NLGN1: variants seen among roughly 807,000 people sequenced by gnomAD.
The protein encoded by NLGN1 is neuroligin 1, also known as neuroligin-1.
NLGN1 carries 12 observed loss-of-function variants against 65.5 expected under a neutral mutation model. The observed-to-expected ratio is 0.18, with a 90% CI of 0.12 to 0.30. The LOEUF is 0.30. NLGN1 is among the 10% of genes least tolerant of loss of function. NLGN1 has a pLI of 1.00. For missense variants in NLGN1, 750 were observed against 1,007.1 expected, an observed-to-expected ratio of 0.74 and a Z score of 3.46; for synonymous variants, 350 against 359.5, an observed-to-expected ratio of 0.97 and a Z score of 0.30.
chr3:173,777,638 T>TATC (rs1163513303), intron 3 of NLGN1, among the ~76,000 whole-genome samples: 19 of 17,262 alleles, frequency 1.1e-3, no homozygotes, highest in East Asian at 7.7e-3. Flanking sequence ...TCTGTCTATC[T>TATC]ATCTATCTAT....
At chr3:173,683,772 G>A (rs940134885) in intron 3 of NLGN1, among the ~76,000 whole-genome samples, 1 of 152,096 alleles carries the variant, frequency 6.6e-6, no homozygotes, top group African/African-American at 2.4e-5. Context: ...GTGTGGAAGG[G>A]TGGGTCAGGT....
Position 173,837,043 on chromosome 3 carries a change from A to T in NLGN1, c.646+29211A>T, listed in dbSNP as rs942091041. On this transcript the variant is annotated intron_variant, in intron 4 of 6. Coordinates refer to ENST00000457714, the Ensembl canonical transcript of NLGN1. ...TCATCTAAGTATATTTACATAATAG[A>T]TGTTAATACCTGTTTTGGAACTTTC... 2.6e-5 allele frequency among the ~76,000 whole-genome samples: 4 copies of T among 152,298 alleles called. No homozygotes were observed. In the South Asian group the frequency reaches 8.3e-4, roughly 32 times the overall value.
intron 4 of NLGN1, among the ~76,000 whole-genome samples, chr3:173,862,491 G>A (rs1433801149): frequency 2.6e-5 from 3 of 117,278 alleles, no homozygotes; most frequent in Admixed American, 1.1e-4. Context: ...GGGCGACAGA[G>A]CGAGACTCCG....
At chr3:173,797,715 AC>A (rs1714459217) in intron 3 of NLGN1, among the ~76,000 whole-genome samples, 1 of 149,326 alleles carries the variant, frequency 6.7e-6, no homozygotes, top group Non-Finnish European at 1.5e-5. Context: ...AAAACAAGAA[AC>A]AAACAAGCAA....
At chr3:173,481,614 T>C (rs1178531235) in intron 2 of NLGN1, among the ~76,000 whole-genome samples, 2 of 151,802 alleles carry the variant, frequency 1.3e-5, no homozygotes, top group Admixed American at 6.6e-5. Flanking sequence ...TCCTATTTTG[T>C]TTACTTTGAA....
intron 4 of NLGN1, among the ~76,000 whole-genome samples, chr3:173,960,752 A>T (rs1713342422): frequency 6.6e-6 from 1 of 151,866 alleles, no homozygotes; most frequent in Admixed American, 6.6e-5. Context: ...TAAAATAGAT[A>T]GGAAGACAAC....
At chr3:173,844,390 G>A (rs948169626) in intron 4 of NLGN1, among the ~76,000 whole-genome samples, 1 of 152,180 alleles carries the variant, frequency 6.6e-6, no homozygotes, top group Non-Finnish European at 1.5e-5. Flanking sequence ...TTGGTAGAAT[G>A]TGTGGGTTTG....
chr3:173,419,324 G>T (rs1323569099), intron 1 of NLGN1, among the ~76,000 whole-genome samples: 1 of 150,652 alleles, frequency 6.6e-6, no homozygotes, highest in Non-Finnish European at 1.5e-5. Flanking sequence ...CTGGGTGAAG[G>T]GGGGATTATC....
chr3:173,917,038 CAT>C (rs1740879923), intron 4 of NLGN1, among the ~76,000 whole-genome samples: 1 of 152,040 alleles, frequency 6.6e-6, no homozygotes, highest in East Asian at 1.9e-4. Context: ...GTGAGAATAA[CAT>C]AGAAAGGGAA....
intron 2 of NLGN1, among the ~76,000 whole-genome samples, chr3:173,562,996 C>T (rs1743027295): frequency 6.6e-6 from 1 of 152,182 alleles, no homozygotes. Flanking sequence ...CACATACACA[C>T]AAAAACCATT....
intron 4 of NLGN1, among the ~76,000 whole-genome samples, chr3:173,825,871 A>G (rs1721240410): frequency 1.3e-5 from 2 of 152,150 alleles, no homozygotes; most frequent in Non-Finnish European, 2.9e-5. Flanking sequence ...GTTTTTTTAA[A>G]TAAGTCTTGT....
intron 4 of NLGN1, among the ~76,000 whole-genome samples, chr3:173,824,736 C>T (rs1190692072): frequency 1.3e-5 from 2 of 151,920 alleles, no homozygotes; most frequent in Non-Finnish European, 2.9e-5. Flanking sequence ...GCTGTGTCTC[C>T]CTTGACTAAG....
At chr3:174,222,696 T>C (rs185892525) in intron 4 of NLGN1, among the ~76,000 whole-genome samples, 2 of 152,236 alleles carry the variant, frequency 1.3e-5, no homozygotes, top group East Asian at 1.9e-4. Flanking sequence ...AAAGTTTTCT[T>C]TTCTCTGAGT....
At chr3:174,036,491 G>A (rs1423255345) in intron 4 of NLGN1, among the ~76,000 whole-genome samples, 1 of 151,774 alleles carries the variant, frequency 6.6e-6, no homozygotes, top group Non-Finnish European at 1.5e-5. Context: ...TACAAGCTTG[G>A]AGGCCACGAA....
chr3:174,098,217 T>G (rs1711531540), intron 4 of NLGN1, among the ~76,000 whole-genome samples: 1 of 152,210 alleles, frequency 6.6e-6, no homozygotes, highest in Non-Finnish European at 1.5e-5. Context: ...GAGTTTCATT[T>G]GCCTCCCGAA....
In NLGN1 at chr3:173,977,191, C is replaced by T. The variant is rs538334411; in HGVS notation, c.646+169359C>T. Reference sequence around the variant, plus strand: ...AGAAAGATATTCATCCTATGTGAACCTATGATAGGAATATTTGACATTGCC... The same window carrying T: ...AGAAAGATATTCATCCTATGTGAACTTATGATAGGAATATTTGACATTGCC... On this transcript the variant is annotated intron_variant, in intron 4 of 6. Coordinates refer to ENST00000457714, the Ensembl canonical transcript of NLGN1. 9.9e-5 allele frequency among the ~76,000 whole-genome samples: 15 copies of T among 151,924 alleles called. No homozygotes were observed. The South Asian group carries it at 2.7e-3, about 27-fold the overall frequency.
intron 4 of NLGN1, among the ~76,000 whole-genome samples, chr3:174,234,007 T>C (rs1202559197): frequency 6.6e-6 from 1 of 152,202 alleles, no homozygotes; most frequent in East Asian, 1.9e-4. Flanking sequence ...TTTAGTTTTC[T>C]ATAGCTCTTT....
At chr3:173,900,390 T>C (rs895136684) in intron 4 of NLGN1, among the ~76,000 whole-genome samples, 1 of 152,040 alleles carries the variant, frequency 6.6e-6, no homozygotes. Flanking sequence ...CCTGCTGATA[T>C]GCAAATTCAG....
intron 4 of NLGN1, among the ~76,000 whole-genome samples, chr3:173,834,773 T>G (rs1331615428): frequency 1.3e-5 from 2 of 152,170 alleles, no homozygotes; most frequent in Non-Finnish European, 2.9e-5. Context: ...CCCACACAAA[T>G]TTAAGTCTCA....
Sources: gnomAD v4.1 joint callset for allele counts (sites outside exome capture counted in the v4.1 genomes callset) on GRCh38, gnomAD v4.1.1 for gene constraint, MANE v1.5 for transcripts, NCBI Gene and HGNC (gene_info 2026-07-23, HGNC 2026-07-21) for gene names.